DAB1: variants seen among roughly 807,000 people sequenced by gnomAD.
DAB1 encodes disabled homolog 1.
Under a neutral mutation model 64.6 loss-of-function variants are expected in DAB1, and 15 were observed. That is an observed-to-expected ratio of 0.23 (90% CI 0.16 to 0.36). DAB1 has a LOEUF of 0.36. Ranked by LOEUF, DAB1 falls within the 10% of genes least tolerant of loss-of-function variation. The probability of loss-of-function intolerance (pLI) is 1.00; values close to 1 mark genes in which losing one functional copy is unlikely to be tolerated. For missense variants in DAB1, 596 were observed against 706.7 expected (o/e 0.84, Z 1.78); for synonymous variants, 235 against 251.9 (o/e 0.93, Z 0.64).
chr1:58,157,400 G>C (rs1655283303), intron 4 of DAB1, among the ~76,000 whole-genome samples: 4 of 152,114 alleles, frequency 2.6e-5, no homozygotes, highest in Admixed American at 2.6e-4. Context: ...TGTACATTGT[G>C]CTCTCAGAGG....
At chr1:57,749,764 T>C (rs2101801960) in intron 6 of DAB1, among the ~76,000 whole-genome samples, 1 of 151,852 alleles carries the variant, frequency 6.6e-6, no homozygotes, top group East Asian at 1.9e-4. Flanking sequence ...GGAAATGAAA[T>C]GGAAAGGAAA....
intron 4 of DAB1, among the ~76,000 whole-genome samples, chr1:57,112,808 T>C (rs1355835617): frequency 6.6e-6 from 1 of 151,480 alleles, no homozygotes. Flanking sequence ...GCCCTAATAA[T>C]GGGCCAGGTG....
rs1650538140 is a variant in DAB1, at chr1:57,062,867, AGAG to A, written c.723+14_723+16del. On this transcript the variant is annotated intron_variant, in intron 9 of 14. Transcript: ENST00000371236. ...CCAGGTCACGGAAACCTGGCAGTGG[AGAG>A]GAGATGTACTTACACTTACAGGTTG... 3 of 1,609,428 alleles carry A rather than the reference AGAG, an allele frequency of 1.9e-6. No individual in the cohort carries two copies. The highest frequency in any genetic ancestry group is 1.7e-6 in the Non-Finnish European group (2 of 1,175,804).
chr1:57,606,802 A>AGAGG (rs1371643259), intron 7 of DAB1, among the ~76,000 whole-genome samples: 1 of 144,842 alleles, frequency 6.9e-6, no homozygotes, highest in East Asian at 2.0e-4. Context: ...ATATAGAGAG[A>AGAGG]GAGAGAGACA....
At chr1:57,980,731 T>C (rs1646044496) in intron 5 of DAB1, among the ~76,000 whole-genome samples, 1 of 152,178 alleles carries the variant, frequency 6.6e-6, no homozygotes, top group Non-Finnish European at 1.5e-5. Context: ...GGCAGTTTTA[T>C]ATGTTGCTGG....
At chr1:57,910,184 C>T (rs1644619877) in intron 5 of DAB1, among the ~76,000 whole-genome samples, 2 of 152,336 alleles carry the variant, frequency 1.3e-5, no homozygotes, top group Admixed American at 1.3e-4. Flanking sequence ...TTGTCTGTTT[C>T]CTTCTGCTCC....
chr1:57,235,771 T>C (rs1668044455), intron 2 of DAB1, among the ~76,000 whole-genome samples: 2 of 151,624 alleles, frequency 1.3e-5, no homozygotes, highest in African/African-American at 4.8e-5. Flanking sequence ...TCTACCACAG[T>C]AGGCACAAAG....
chr1:58,273,361 G>T (rs1661355217), intron 4 of DAB1, among the ~76,000 whole-genome samples: 1 of 18,130 alleles, frequency 5.5e-5, no homozygotes, highest in African/African-American at 1.6e-4. Context: ...GGCTTGTAGG[G>T]TTTCTGCCGA....
At chr1:58,508,784 G>C (rs1418487389) in intron 2 of DAB1, among the ~76,000 whole-genome samples, 1 of 152,062 alleles carries the variant, frequency 6.6e-6, no homozygotes, top group African/African-American at 2.4e-5. Flanking sequence ...ACCACTCCCT[G>C]AAGCTCAGCA....
At chr1:58,081,578 C>T (rs1402857168) in intron 5 of DAB1, among the ~76,000 whole-genome samples, 2 of 152,236 alleles carry the variant, frequency 1.3e-5, no homozygotes, top group Non-Finnish European at 2.9e-5. Flanking sequence ...GAACTGGTTA[C>T]ATAGTATCCC....
At chr1:58,245,845 G>C (rs980968599) in intron 4 of DAB1, among the ~76,000 whole-genome samples, 1 of 152,142 alleles carries the variant, frequency 6.6e-6, no homozygotes. Context: ...AGTATAAACA[G>C]AACAAGTTTC....
At position 57,136,452 on chromosome 1, in the gene DAB1, G is replaced by C. The variant is rs191383208; in HGVS notation, c.306+91C>G. Reference sequence around the variant, plus strand: ...AGTTGCTTTATGTGTTTTTATGCTTGTTGTATATTCCTGCCCAGAGAGTAG... The same window carrying C: ...AGTTGCTTTATGTGTTTTTATGCTTCTTGTATATTCCTGCCCAGAGAGTAG... On this transcript the variant is annotated intron_variant, in intron 4 of 14. Transcript: ENST00000371236. 4.5e-4 allele frequency: 287 copies of C among 635,374 alleles called. 6 individuals are homozygous for C. The East Asian group carries it at 5.9e-3, about 13-fold the overall frequency. The allele number at this position is 635,374 out of a possible 1,614,324, so 39.4% of individuals were successfully genotyped here.
At chr1:57,222,164 T>C (rs1409244419) in intron 2 of DAB1, among the ~76,000 whole-genome samples, 1 of 152,228 alleles carries the variant, frequency 6.6e-6, no homozygotes, top group Admixed American at 6.5e-5. Flanking sequence ...TAAAGAAACT[T>C]GCTTGAGGTC....
intron 3 of DAB1, among the ~76,000 whole-genome samples, chr1:58,484,681 G>T (rs12088905): frequency 0.15 from 22,972 of 152,106 alleles, 1,822 homozygotes; most frequent in Middle Eastern, 0.23. Flanking sequence ...TCCTTCGATA[G>T]GTGAATGGAT....
chr1:58,175,795 G>A (rs981900658), intron 4 of DAB1, among the ~76,000 whole-genome samples: 3 of 152,170 alleles, frequency 2.0e-5, no homozygotes, highest in African/African-American at 4.8e-5. Context: ...AATAATGGCA[G>A]TAGTTCTTCT....
intron 2 of DAB1, among the ~76,000 whole-genome samples, chr1:57,272,366 ATGCGCATCCCACACAACAT>A (rs1406632679): frequency 6.6e-6 from 1 of 152,148 alleles, no homozygotes; most frequent in Non-Finnish European, 1.5e-5. Flanking sequence ...GGCAGGATGG[ATGCGCATCCCACACAACAT>A]TGCACATCCC....
At chr1:57,897,186 G>A (rs1644404162) in intron 5 of DAB1, among the ~76,000 whole-genome samples, 2 of 152,140 alleles carry the variant, frequency 1.3e-5, no homozygotes, top group Admixed American at 1.3e-4. Flanking sequence ...TCCTTTCTAT[G>A]TTCTATCAAA....
At chr1:58,140,641 C>G (rs150565777) in intron 5 of DAB1, among the ~76,000 whole-genome samples, 216 of 152,154 alleles carry the variant, frequency 1.4e-3, no homozygotes, top group African/African-American at 5.0e-3. Context: ...CTAGCTCCCC[C>G]ACTGCTCTAT....
At chr1:57,404,691 T>A (rs1260519284) in intron 1 of DAB1, among the ~76,000 whole-genome samples, 2 of 152,228 alleles carry the variant, frequency 1.3e-5, no homozygotes, top group Non-Finnish European at 1.5e-5. Flanking sequence ...CTGTAGCCAC[T>A]ACATGGTTAA....
Sources: gnomAD v4.1 joint callset for allele counts (sites outside exome capture counted in the v4.1 genomes callset) on GRCh38, gnomAD v4.1.1 for gene constraint, MANE v1.5 for transcripts, NCBI Gene and HGNC (gene_info 2026-07-23, HGNC 2026-07-21) for gene names.